The following TTBK2 variants were observed in gnomAD, a reference collection of about 807,000 sequenced individuals.
The protein encoded by TTBK2 is tau tubulin kinase 2, also known as tau-tubulin kinase 2.
Under a neutral mutation model 110.8 loss-of-function variants are expected in TTBK2, and 28 were observed. That is an observed-to-expected ratio of 0.25 (90% CI 0.19 to 0.35). The LOEUF (loss-of-function observed/expected upper bound fraction) is 0.35, where lower values mean the gene tolerates loss of function less well. Among genes scored for constraint, TTBK2 ranks in the 10% least tolerant of loss-of-function variants. The probability of loss-of-function intolerance (pLI) is 1.00; values close to 1 mark genes in which losing one functional copy is unlikely to be tolerated. For missense variants in TTBK2, 1,369 were observed against 1,500.3 expected (o/e 0.91, Z 1.45); for synonymous variants, 532 against 527.3 (o/e 1.01, Z -0.12).
chr15:42,835,391 G>A (rs1213810285), intron 4 of TTBK2, among the ~76,000 whole-genome samples: 2 of 152,082 alleles, frequency 1.3e-5, no homozygotes, highest in African/African-American at 4.8e-5. Flanking sequence ...TCAATTTATA[G>A]AAAATACAGG....
chr15:42,739,500 C>A lies in TTBK2; in HGVS notation c.*6295G>T, dbSNP rs1180618158. 6.6e-6 allele frequency: 1 copy of A among 152,136 alleles called. No homozygotes were observed. Among genetic ancestry groups the A allele is most frequent in the African/African-American group, 2.4e-5 (1 of 41,426 alleles). 9.4% of individuals were successfully genotyped at this position (152,136 alleles called of 1,614,324 possible). On this transcript the variant is annotated 3_prime_UTR_variant, in exon 15 of 15. Coordinates refer to ENST00000267890, the MANE Select transcript of TTBK2 (RefSeq NM_173500.4). ...AGTAAATGGCCTAGTGAAATAGACA[C>A]TGGCTATTTTAGAAAAAGGGTCAGA...
chr15:42,899,507 G>C (rs1346645698), intron 1 of TTBK2, among the ~76,000 whole-genome samples: 1 of 151,990 alleles, frequency 6.6e-6, no homozygotes, highest in Non-Finnish European at 1.5e-5. Context: ...TTGGGAGGCC[G>C]AGGCAGGCGG....
Position 42,810,720 on chromosome 15 carries a change from T to A in TTBK2, c.716A>T (p.Lys239Met). 1 of 1,613,832 alleles carries A rather than the reference T, an allele frequency of 6.2e-7. No individual in the cohort carries two copies. Among genetic ancestry groups the A allele is most frequent in the Non-Finnish European group, 8.5e-7 (1 of 1,179,922 alleles). ...CATGAGCCTGTGGTCATATCTCTCCTTAATAGAGCCTACTTGCTCCTGGGA... is the reference window on the plus strand; with the variant it reads ...CATGAGCCTGTGGTCATATCTCTCCATAATAGAGCCTACTTGCTCCTGGGA... ...IKDKEQVGSI[K>M]ERYDHRLMLK... The change falls in exon 9 of 15, where the codon AAG (lysine) becomes ATG (methionine). Residue 239 changes from lysine (K) to methionine (M), a missense_variant. By Grantham distance (95) the Lys-to-Met change is moderately conservative. Around this residue, in one of 4 missense-constraint regions of TTBK2, gnomAD observed 138 missense variants for 179.0 expected, o/e 0.77. Coordinates refer to ENST00000267890, the MANE Select transcript of TTBK2 (RefSeq NM_173500.4).
rs182320035 is a variant in TTBK2 at position 42,858,355 on chromosome 15, G to A, written c.217+14256C>T. Among the ~76,000 whole-genome samples, 770 of 152,156 alleles carry A rather than the reference G, an allele frequency of 5.1e-3. 14 individuals are homozygous for A. The highest frequency in any genetic ancestry group is 0.017 in the African/African-American group (692 of 41,500). Reference sequence around the variant, plus strand: ...ATACATACTCAAAAAATTATATGACGTCTATAATTTATTTTAAAGTACTCC... The same window carrying A: ...ATACATACTCAAAAAATTATATGACATCTATAATTTATTTTAAAGTACTCC... On this transcript the variant is annotated intron_variant, in intron 3 of 14. Coordinates refer to ENST00000267890, the MANE Select transcript of TTBK2 (RefSeq NM_173500.4).
In TTBK2 at chr15:42,769,636, T is replaced by C. The variant is rs953540106; in HGVS notation, c.1998+5499A>G. Among the ~76,000 whole-genome samples, 69 of 152,142 alleles carry C rather than the reference T, an allele frequency of 4.5e-4. 2 individuals carry two copies. The highest frequency in any genetic ancestry group is 4.8e-5 in the African/African-American group (2 of 41,418). On this transcript the variant is annotated intron_variant, in intron 13 of 14. Transcript: ENST00000267890. ...AGGTGCTGGAGAGGATGTGGAGAAA[T>C]AGGAACACTTTTACACTGTTGGTGG...
chr15:42,822,844 A>G (rs184878051), intron 6 of TTBK2, among the ~76,000 whole-genome samples: 197 of 152,374 alleles, frequency 1.3e-3, no homozygotes, highest in Admixed American at 4.1e-3. Context: ...AACAAGAAAC[A>G]ACAAAATTAG....
At chr15:42,790,367 C>T (rs1890606677) in intron 10 of TTBK2, among the ~76,000 whole-genome samples, 1 of 151,858 alleles carries the variant, frequency 6.6e-6, no homozygotes, top group South Asian at 2.1e-4. Context: ...TCACTGCAAC[C>T]TCCATTTCCT....
intron 3 of TTBK2, among the ~76,000 whole-genome samples, chr15:42,843,531 C>T (rs993052664): frequency 9.9e-5 from 15 of 152,008 alleles, no homozygotes; most frequent in African/African-American, 2.4e-4. Flanking sequence ...GAGGCTGAGG[C>T]GGGCAGATCA....
At chr15:42,829,527 CAT>C (rs1401826718) in intron 5 of TTBK2, among the ~76,000 whole-genome samples, 7 of 152,138 alleles carry the variant, frequency 4.6e-5, no homozygotes, top group African/African-American at 1.4e-4. Context: ...AATAGTCAAA[CAT>C]AAAGCTTTTT....
chr15:42,834,845 C>G lies in TTBK2; in HGVS notation c.292-4767G>C, dbSNP rs183931895. 3.0e-4 allele frequency among the ~76,000 whole-genome samples: 45 copies of G among 152,050 alleles called. No individual in the cohort carries two copies. In the Middle Eastern group the frequency reaches 0.01, roughly 35 times the overall value. On this transcript the variant is annotated intron_variant, in intron 4 of 14. Coordinates refer to ENST00000267890, the MANE Select transcript of TTBK2 (RefSeq NM_173500.4). ...GGAGCCAAGATCGTGCCACTGCACT[C>G]CAGACTGGGCAACAGAGTGAGATTC... is the stretch of plus-strand genomic sequence containing the variant.
rs114570264 is a variant in TTBK2 at position 42,826,737 on chromosome 15, C to T, written c.537+1191G>A. ...GAGTCATTCTGAACCTATTCTTATTCTCGGGGCTACCTGATTCATGAATCA... is the reference window on the plus strand; with the variant it reads ...GAGTCATTCTGAACCTATTCTTATTTTCGGGGCTACCTGATTCATGAATCA... On this transcript the variant is annotated intron_variant, in intron 6 of 14. Coordinates refer to ENST00000267890, the MANE Select transcript of TTBK2 (RefSeq NM_173500.4). Among the ~76,000 whole-genome samples the T allele has an allele frequency of 8.1e-3, 1,227 of 152,254 alleles. 14 individuals are homozygous for T. Among genetic ancestry groups the T allele is most frequent in the African/African-American group, 0.028 (1,162 of 41,542 alleles).
intron 10 of TTBK2, among the ~76,000 whole-genome samples, chr15:42,793,265 T>C (rs1411230684): frequency 1.3e-5 from 2 of 152,216 alleles, no homozygotes; most frequent in Non-Finnish European, 2.9e-5. Context: ...GTGGTGATTC[T>C]GGGTCTAGTC....
chr15:42,744,606 T>C lies in TTBK2; in HGVS notation c.*1189A>G, dbSNP rs1333562673. ...TCTTTACAGCTTCGTAAATTGAGAT[T>C]GTATGAAAATCAGGCCAAGAAGCCC... On this transcript the variant is annotated 3_prime_UTR_variant, in exon 15 of 15. Transcript: ENST00000267890. The C allele has an allele frequency of 6.6e-6, 1 of 152,144 alleles. No homozygotes were observed. The highest frequency in any genetic ancestry group is 1.5e-5 in the Non-Finnish European group (1 of 68,010). 9.4% of individuals were successfully genotyped at this position (152,144 alleles called of 1,614,324 possible).
intron 10 of TTBK2, among the ~76,000 whole-genome samples, chr15:42,786,003 C>G (rs1890397294): frequency 6.6e-6 from 1 of 152,084 alleles, no homozygotes; most frequent in Non-Finnish European, 1.5e-5. Context: ...TTCCACCTGA[C>G]TTGGTAACCG....
chr15:42,790,966 C>T (rs1483280652), intron 10 of TTBK2, among the ~76,000 whole-genome samples: 1 of 152,222 alleles, frequency 6.6e-6, no homozygotes, highest in African/African-American at 2.4e-5. Context: ...TCACTGCAAG[C>T]TCCACCTCCC....
At chr15:42,852,509 AGTTATAT>A (rs1893760676) in intron 3 of TTBK2, among the ~76,000 whole-genome samples, 1 of 152,176 alleles carries the variant, frequency 6.6e-6, no homozygotes, top group Non-Finnish European at 1.5e-5. Context: ...GGGCTTCTTG[AGTTATAT>A]GTGATTCCAA....
chr15:42,816,085 AATATATATATAT>A (rs71431870), intron 7 of TTBK2, among the ~76,000 whole-genome samples: 28 of 67,448 alleles, frequency 4.2e-4, no homozygotes, highest in African/African-American at 2.0e-3. Flanking sequence ...TAAATAAATA[AATATATATATAT>A]ATATATATAT....
At chr15:42,791,316 C>T (rs35538776) in intron 10 of TTBK2, among the ~76,000 whole-genome samples, 27,779 of 152,150 alleles carry the variant, frequency 0.18, 2,959 homozygotes, top group African/African-American at 0.28. Flanking sequence ...TCACACCCAG[C>T]CAGTTCTCTG....
At chr15:42,774,307 T>C (rs1009973840) in intron 13 of TTBK2, among the ~76,000 whole-genome samples, 9 of 152,094 alleles carry the variant, frequency 5.9e-5, no homozygotes, top group Admixed American at 5.2e-4. Context: ...TACCTGTGGG[T>C]GCCTAAGATT....
Sources: allele counts gnomAD v4.1 joint callset (sites outside exome capture counted in the v4.1 genomes callset), GRCh38; gene constraint gnomAD v4.1.1; regional missense constraint gnomAD v4.1.1; transcripts MANE v1.5; gene names NCBI Gene and HGNC (gene_info 2026-07-23, HGNC 2026-07-21).